Variants in ANKRD13D observed in about 807,000 individuals in gnomAD.
The protein encoded by ANKRD13D is ankyrin repeat domain-containing protein 13D.
ANKRD13D carries 24 observed loss-of-function variants against 68.8 expected under a neutral mutation model. The observed-to-expected ratio is 0.35, with a 90% CI of 0.25 to 0.49. The LOEUF (loss-of-function observed/expected upper bound fraction) is 0.49. Among genes scored for constraint, ANKRD13D ranks in the 20% least tolerant of loss-of-function variants. The pLI is 0.99. For synonymous variants in ANKRD13D, 331 were observed against 336.1 expected (o/e 0.98, Z 0.16); for missense variants, 735 against 832.1 (o/e 0.88, Z 1.44).
At chr11:67,298,956 T>G in intron 6 of ANKRD13D, 102 bp from the exon 7 acceptor site, 2 of 1,245,420 alleles carry the variant, frequency 1.6e-6, no homozygotes, top group Non-Finnish European at 1.2e-6. Flanking sequence ...CCCTGAGAGT[T>G]GGGCACCCCG....
rs764978869 is a variant in ANKRD13D at position 67,299,779 on chromosome 11, C to T, written c.881-48C>T. On this transcript the variant is annotated intron_variant, in intron 8 of 14. Transcript: ENST00000511455. The surrounding 1 kb of genome is among the most constrained non-coding windows in gnomAD (Gnocchi z 6.2). Reference sequence around the variant, plus strand: ...CTCCAGGGGTGGAGGTGGGCAGGGGCGATGCGAGCATTGTGACCCCTTACC... The same window carrying T: ...CTCCAGGGGTGGAGGTGGGCAGGGGTGATGCGAGCATTGTGACCCCTTACC... 13 of 1,532,030 alleles carry T rather than the reference C, an allele frequency of 8.5e-6. No homozygotes were observed. Among genetic ancestry groups the T allele is most frequent in the African/African-American group, 8.3e-5 (6 of 72,414 alleles). 94.9% of individuals were successfully genotyped at this position (1,532,030 alleles called of 1,614,324 possible).
Position 67,292,064 on chromosome 11 carries a change from G to T in ANKRD13D, c.615G>T (p.Leu205=), listed in dbSNP as rs1860581608. ...ATGTGGAGACACTGGGGCTCACTCTGCAGGAGCCCGAAACACTGCTGGCCG... is the reference window on the plus strand; with the variant it reads ...ATGTGGAGACACTGGGGCTCACTCTTCAGGAGCCCGAAACACTGCTGGCCG... ...VVHVETLGLT[L]QEPETLLAAM... The change falls in exon 6 of 15, where the codon CTG becomes CTT. Residue 205 remains leucine (L), a synonymous_variant. Transcript: ENST00000511455. 4 of 1,610,668 alleles carry T rather than the reference G, an allele frequency of 2.5e-6. No individual in the cohort carries two copies. Among genetic ancestry groups the T allele is most frequent in the Admixed American group, 1.7e-5 (1 of 59,934 alleles).
chr11:67,290,529 G>A, intron 3 of ANKRD13D, 83 bp downstream of exon 3: 1 of 1,485,634 alleles, frequency 6.7e-7, no homozygotes, highest in African/African-American at 1.4e-5. Flanking sequence ...CCTTGGAAAG[G>A]CACCCAGTTT....
chr11:67,289,635 C>CCA, intron 1 of ANKRD13D, 85 bp downstream of exon 1: 3 of 871,020 alleles, frequency 3.4e-6, no homozygotes, highest in Non-Finnish European at 3.1e-6. Context: ...CCCCCCCCCC[C>CCA]CCGCCCGCTC....
intron 1 of ANKRD13D, 139 bp from the exon 2 acceptor site, chr11:67,289,939 C>A (rs978727716): frequency 2.8e-6 from 4 of 1,444,240 alleles, no homozygotes; most frequent in Non-Finnish European, 3.6e-6. Flanking sequence ...TGCCAGGACA[C>A]GCAGGCCACC....
chr11:67,300,276 G>A lies in ANKRD13D; in HGVS notation c.1073+153G>A, dbSNP rs1860928691. The A allele has an allele frequency of 1.8e-6, 2 of 1,130,128 alleles. No individual in the cohort carries two copies. The highest frequency in any genetic ancestry group is 3.2e-5 in the African/African-American group (2 of 63,432). 70.0% of individuals were successfully genotyped at this position (1,130,128 alleles called of 1,614,324 possible). A position where few individuals can be genotyped will look rare whatever the true frequency, so the allele number is the denominator to read the frequency against. On this transcript the variant is annotated intron_variant, in intron 10 of 14. Coordinates refer to ENST00000511455, the MANE Select transcript of ANKRD13D (RefSeq NM_207354.3). This position sits in a 1 kb window ranked among gnomAD's most constrained non-coding sequence, Gnocchi z 4.3. ...CAGGAGTCATGTCTGCCTTATCCATGGTCCTCAGCCCTTAGCAAGGGGCTT... is the reference window on the plus strand; with the variant it reads ...CAGGAGTCATGTCTGCCTTATCCATAGTCCTCAGCCCTTAGCAAGGGGCTT...
chr11:67,291,321 A>T, intron 3 of ANKRD13D, 155 bp from the exon 4 acceptor site: 1 of 826,230 alleles, frequency 1.2e-6, no homozygotes, highest in Non-Finnish European at 1.8e-6. Context: ...TTGCACCACT[A>T]CACTCCAGCC....
At chr11:67,294,676 G>C (rs969480140) in intron 6 of ANKRD13D, among the ~76,000 whole-genome samples, 8 of 152,032 alleles carry the variant, frequency 5.3e-5, no homozygotes, top group Admixed American at 3.9e-4. Context: ...AAGTAGCTGG[G>C]ATTACAGGTG....
intron 3 of ANKRD13D, 98 bp from the exon 4 acceptor site, chr11:67,291,377 AC>A: frequency 4.1e-6 from 4 of 964,718 alleles, no homozygotes; most frequent in Admixed American, 5.3e-5. Flanking sequence ...AAAAAAAAAG[AC>A]CTGATGAAGG....
At position 67,291,719 on chromosome 11, in the gene ANKRD13D, C is replaced by T. The variant is rs771256505; in HGVS notation, c.514C>T (p.Arg172Trp). Residue 172 changes from arginine to tryptophan, a missense_variant, in exon 5 of 15, where the codon CGG (arginine) becomes TGG (tryptophan). Arg to Trp is a moderately radical substitution (Grantham distance 101). Transcript: ENST00000511455. ...CGAGCACATGACCTGGCAGCGGGGC[C>T]GGAGGAGCTTCATCTTCAAGGGCCA... ...GFEHMTWQRGRRSFIFKGQEA... is the reference protein window; with the variant it reads ...GFEHMTWQRGWRSFIFKGQEA... The T allele has an allele frequency of 2.2e-5, 35 of 1,613,862 alleles. No homozygotes were observed. Among genetic ancestry groups the T allele is most frequent in the Admixed American group, 6.7e-5 (4 of 60,000 alleles).
chr11:67,291,250 G>A (rs1434554599), intron 3 of ANKRD13D: 1 of 540,410 alleles, frequency 1.9e-6, no homozygotes, highest in Non-Finnish European at 3.2e-6. Flanking sequence ...CCAGCTACTC[G>A]GGAGGCTGAG....
chr11:67,291,931 T>A, intron 5 of ANKRD13D, 60 bp from the exon 6 acceptor site: 3 of 1,531,652 alleles, frequency 2.0e-6, no homozygotes, highest in Non-Finnish European at 2.6e-6. Context: ...TCGCCCTCTC[T>A]GCACTGCTGG....
chr11:67,289,829 G>A lies in ANKRD13D; in HGVS notation c.91-249G>A, dbSNP rs912390034. ...CAAGAACTCTGGTCCTGGTCCCCAG[G>A]TTCCGCCAAACTCCTGACAACCTGC... On this transcript the variant is annotated intron_variant, in intron 1 of 14. Transcript: ENST00000511455. 2.8e-6 allele frequency: 4 copies of A among 1,423,678 alleles called. No individual in the cohort carries two copies. The African/African-American group carries it at 5.8e-5, about 21-fold the overall frequency. 88.2% of individuals were successfully genotyped at this position (1,423,678 alleles called of 1,614,324 possible).
rs773807360 is a variant in ANKRD13D at position 67,290,309 on chromosome 11, C to G, written c.227-13C>G. The G allele has an allele frequency of 6.5e-7, 1 of 1,548,994 alleles. No individual in the cohort carries two copies. On this transcript the variant is annotated splice_polypyrimidine_tract_variant and intron_variant, in intron 2 of 14. Coordinates refer to ENST00000511455, the MANE Select transcript of ANKRD13D (RefSeq NM_207354.3). ...CATCTGGAGGGCTCCCCTCAGCAGC[C>G]TGGTGCCCGCAGTCCTGCAGGAGGC...
Position 67,290,114 on chromosome 11 carries a change from C to G in ANKRD13D, c.127C>G (p.Pro43Ala). 4 of 1,537,170 alleles carry G rather than the reference C, an allele frequency of 2.6e-6. No individual in the cohort carries two copies. The highest frequency in any genetic ancestry group is 2.6e-6 in the Non-Finnish European group (3 of 1,146,904). ...IEQEDPRGRT[P>A]LELAVSLGNL... ...ACAGGAGGACCCCCGCGGGCGGACCCCACTGGAGCTGGCCGTGTCTCTGGG... is the reference window on the plus strand; with the variant it reads ...ACAGGAGGACCCCCGCGGGCGGACCGCACTGGAGCTGGCCGTGTCTCTGGG... Residue 43 changes from proline (P) to alanine (A), a missense_variant, in exon 2 of 15, where the codon CCA (proline) becomes GCA (alanine). Coordinates refer to ENST00000511455, the MANE Select transcript of ANKRD13D (RefSeq NM_207354.3).
Position 67,300,241 on chromosome 11 carries a change from T to C in ANKRD13D, c.1073+118T>C. 2 of 1,420,758 alleles carry C rather than the reference T, an allele frequency of 1.4e-6. No homozygotes were observed. Among genetic ancestry groups the C allele is most frequent in the Middle Eastern group, 2.1e-4 (1 of 4,790 alleles). 88.0% of individuals were successfully genotyped at this position (1,420,758 alleles called of 1,614,324 possible). A position where few individuals can be genotyped will look rare whatever the true frequency, so the allele number is the denominator to read the frequency against. ...CGGCTGGCTTCTCTCTGGACTCCAC[T>C]CCTGGAGGGCAGGAGTCATGTCTGC... On this transcript the variant is annotated intron_variant, in intron 10 of 14. Coordinates refer to ENST00000511455, the MANE Select transcript of ANKRD13D (RefSeq NM_207354.3). The surrounding 1 kb of genome is among the most constrained non-coding windows in gnomAD (Gnocchi z 4.3).
chr11:67,299,830 G>A lies in ANKRD13D; in HGVS notation c.884G>A (p.Gly295Glu), dbSNP rs1233611675. 1 of 1,534,114 alleles carries A rather than the reference G, an allele frequency of 6.5e-7. No homozygotes were observed. Among genetic ancestry groups the A allele is most frequent in the Non-Finnish European group, 8.8e-7 (1 of 1,140,174 alleles). ...AGCTCCCACCCCTTCTCCGTAGCGG[G>A]GAAGACTCCATTCCAGTCCTTCCTG... ...SDQDKSRSKAGKTPFQSFLGM... is the reference protein window; with the variant it reads ...SDQDKSRSKAEKTPFQSFLGM... Residue 295 changes from glycine to glutamate, a missense_variant, in exon 9 of 15, where the codon GGG becomes GAG. Gly to Glu is a moderately conservative substitution (Grantham distance 98). Coordinates refer to ENST00000511455, the MANE Select transcript of ANKRD13D (RefSeq NM_207354.3). The surrounding 1 kb of genome is among the most constrained non-coding windows in gnomAD (Gnocchi z 6.2).
At position 67,300,316 on chromosome 11, in the gene ANKRD13D, G is replaced by C. The variant is rs1860930181; in HGVS notation, c.1073+193G>C. On this transcript the variant is annotated intron_variant, in intron 10 of 14. Coordinates refer to ENST00000511455, the MANE Select transcript of ANKRD13D (RefSeq NM_207354.3). This position sits in a 1 kb window ranked among gnomAD's most constrained non-coding sequence, Gnocchi z 4.3. ...GCAAGGGGCTTGGCACAGAAAACCG[G>C]TAGTTTGTCTTTGATGAATGGATGG... The C allele has an allele frequency of 1.4e-6, 1 of 732,646 alleles. No individual in the cohort carries two copies. Among genetic ancestry groups the C allele is most frequent in the Non-Finnish European group, 2.1e-6 (1 of 474,134 alleles). The allele number at this position is 732,646 out of a possible 1,614,324, so 45.4% of individuals were successfully genotyped here. A position where few individuals can be genotyped will look rare whatever the true frequency, so the allele number is the denominator to read the frequency against.
rs1417160397 is a variant in ANKRD13D at position 67,299,510 on chromosome 11, C to T, written c.799-20C>T. 6.5e-7 allele frequency: 1 copy of T among 1,548,012 alleles called. No homozygotes were observed. The highest frequency in any genetic ancestry group is 2.0e-5 in the Admixed American group (1 of 50,850). On this transcript the variant is annotated intron_variant, in intron 7 of 14. Transcript: ENST00000511455. This position sits in a 1 kb window ranked among gnomAD's most constrained non-coding sequence, Gnocchi z 6.2. ...GAGCAGGCTCTGAGCCCCCAGCTCC[C>T]CGTGTCCCCTGCTCCCCAGGTGTAC...
Sources: gnomAD v4.1 joint callset for allele counts (sites outside exome capture counted in the v4.1 genomes callset) on GRCh38, gnomAD v4.1.1 for gene constraint, Gnocchi (gnomAD v3.1) non-coding constraint, MANE v1.5 for transcripts, NCBI Gene and HGNC (gene_info 2026-07-23, HGNC 2026-07-21) for gene names.